The following ZMAT4 variants were observed in gnomAD, a reference collection of about 807,000 sequenced individuals.
ZMAT4 encodes the protein zinc finger matrin-type 4, also known as zinc finger matrin-type protein 4.
A neutral mutation model predicts 28.7 loss-of-function variants in ZMAT4; 17 were observed. The observed-to-expected ratio is 0.59, with a 90% CI of 0.41 to 0.89. The LOEUF (loss-of-function observed/expected upper bound fraction) is 0.89. Among genes scored for constraint, ZMAT4 ranks in the 40% least tolerant of loss-of-function variants. The pLI, the probability that ZMAT4 is intolerant of heterozygous loss-of-function variation, is 0.00. For synonymous variants in ZMAT4, 117 were observed against 109.2 expected (o/e 1.07, Z -0.44); for missense variants, 240 against 283.8 (o/e 0.85, Z 1.11).
At chr8:40,674,998 T>A in intron 4 of ZMAT4, 67 bp from the exon 5 acceptor site, 2 of 1,272,610 alleles carry the variant, frequency 1.6e-6, no homozygotes, top group South Asian at 1.3e-5. Flanking sequence ...TCTTCCTCAA[T>A]ACCCGAAGAC....
At chr8:40,700,218 T>G (rs1810074006) in intron 3 of ZMAT4, among the ~76,000 whole-genome samples, 1 of 151,642 alleles carries the variant, frequency 6.6e-6, no homozygotes, top group African/African-American at 2.4e-5. Context: ...AGTCTCATAT[T>G]GGACTCACAT....
intron 5 of ZMAT4, among the ~76,000 whole-genome samples, chr8:40,663,668 G>A (rs762555883): frequency 3.6e-4 from 55 of 152,150 alleles, no homozygotes; most frequent in Non-Finnish European, 7.1e-4. Context: ...ATCAGAGTGA[G>A]TCTACATAGA....
chr8:40,737,476 T>C (rs569208442), intron 3 of ZMAT4, among the ~76,000 whole-genome samples: 1 of 152,008 alleles, frequency 6.6e-6, no homozygotes, highest in Admixed American at 6.6e-5. Flanking sequence ...AGTCACTGAA[T>C]CCAAGAGGAA....
At chr8:40,702,530 A>T (rs1810192154) in intron 3 of ZMAT4, among the ~76,000 whole-genome samples, 1 of 152,204 alleles carries the variant, frequency 6.6e-6, no homozygotes. Context: ...TTTTCAGAAG[A>T]ATTCAATCAG....
Position 40,680,753 on chromosome 8 carries a change from A to C in ZMAT4, c.350-5822T>G, listed in dbSNP as rs528496680. ...ACACATATACTTTCTCTCTCTCTCT[A>C]CATCCCCCATCAAGCTCCCTCCCCA... is the stretch of plus-strand genomic sequence containing the variant. On this transcript the variant is annotated intron_variant, in intron 4 of 6. Coordinates refer to ENST00000297737, the MANE Select transcript of ZMAT4 (RefSeq NM_024645.3). Among the ~76,000 whole-genome samples the C allele has an allele frequency of 1.8e-3, 274 of 150,212 alleles. 1 individual carries two copies. Among genetic ancestry groups the C allele is most frequent in the African/African-American group, 6.2e-3 (252 of 40,626 alleles).
chr8:40,750,460 C>T (rs967563722), intron 3 of ZMAT4, among the ~76,000 whole-genome samples: 6 of 152,074 alleles, frequency 3.9e-5, no homozygotes, highest in East Asian at 3.9e-4. Context: ...GGCAAAGAGG[C>T]GAGATCCTCC....
intron 5 of ZMAT4, among the ~76,000 whole-genome samples, chr8:40,658,663 C>CAA (rs1585833999): frequency 7.0e-6 from 1 of 142,832 alleles, no homozygotes; most frequent in African/African-American, 2.6e-5. Context: ...CACACACACA[C>CAA]AAACACAAAA....
intron 5 of ZMAT4, among the ~76,000 whole-genome samples, chr8:40,588,893 C>CATCA (rs1341810381): frequency 2.0e-5 from 3 of 152,128 alleles, no homozygotes; most frequent in Non-Finnish European, 2.9e-5. Context: ...CCCCAATGCC[C>CATCA]ATCAACACAA....
At chr8:40,772,486 A>T (rs748872366) in intron 2 of ZMAT4, among the ~76,000 whole-genome samples, 1 of 152,234 alleles carries the variant, frequency 6.6e-6, no homozygotes, top group Non-Finnish European at 1.5e-5. Context: ...GCCTCAAAAA[A>T]ATTCACAACT....
At chr8:40,617,492 G>T (rs1252430636) in intron 5 of ZMAT4, among the ~76,000 whole-genome samples, 3 of 152,184 alleles carry the variant, frequency 2.0e-5, no homozygotes, top group Non-Finnish European at 2.9e-5. Context: ...TTCTAAGAGA[G>T]CATTCTAAAC....
At chr8:40,869,562 A>C (rs939540125) in intron 1 of ZMAT4, among the ~76,000 whole-genome samples, 5 of 152,244 alleles carry the variant, frequency 3.3e-5, no homozygotes, top group African/African-American at 1.2e-4. Context: ...GATTATTAGA[A>C]GAACAAAAGG....
At chr8:40,798,220 T>C (rs759294124) in intron 2 of ZMAT4, among the ~76,000 whole-genome samples, 2 of 152,172 alleles carry the variant, frequency 1.3e-5, no homozygotes, top group Non-Finnish European at 2.9e-5. Flanking sequence ...AGAGCAGATA[T>C]GCTCAGGGTC....
chr8:40,766,277 C>A (rs1423907760), intron 3 of ZMAT4, among the ~76,000 whole-genome samples: 1 of 152,230 alleles, frequency 6.6e-6, no homozygotes, highest in Non-Finnish European at 1.5e-5. Flanking sequence ...ATCTCCCATA[C>A]TACATTATGA....
chr8:40,683,094 C>T (rs1470567324), intron 4 of ZMAT4, among the ~76,000 whole-genome samples: 1 of 152,094 alleles, frequency 6.6e-6, no homozygotes, highest in Non-Finnish European at 1.5e-5. Flanking sequence ...TAGAACTGGG[C>T]TTGGCACATA....
intron 6 of ZMAT4, among the ~76,000 whole-genome samples, chr8:40,558,772 T>A (rs116472250): frequency 6.6e-6 from 1 of 151,936 alleles, no homozygotes; most frequent in African/African-American, 2.4e-5. Context: ...CTCCCGCTTC[T>A]TGGCCGAGGG....
At chr8:40,578,098 A>G (rs1185101764) in intron 6 of ZMAT4, among the ~76,000 whole-genome samples, 2 of 152,112 alleles carry the variant, frequency 1.3e-5, no homozygotes, top group Admixed American at 6.5e-5. Flanking sequence ...AGAAGATACA[A>G]TTAGAAGATT....
In ZMAT4 at chr8:40,552,170, T is replaced by C. The variant is rs1803387756; in HGVS notation, c.675-19932A>G. Among the ~76,000 whole-genome samples the C allele has an allele frequency of 2.0e-5, 3 of 152,172 alleles. No individual in the cohort carries two copies. The South Asian group carries it at 6.2e-4, about 31-fold the overall frequency. ...GCCCTCTCTTCTCTTGCTGGATCCA[T>C]TTACTCTTTGGGCACTATTCCCAAC... On this transcript the variant is annotated intron_variant, in intron 6 of 6. Transcript: ENST00000297737.
At chr8:40,854,881 TA>T (rs1817241749) in intron 1 of ZMAT4, among the ~76,000 whole-genome samples, 1 of 152,154 alleles carries the variant, frequency 6.6e-6, no homozygotes, top group Non-Finnish European at 1.5e-5. Context: ...ACAAAAGGAC[TA>T]ATTATTTTTT....
At chr8:40,564,661 G>A (rs574918498) in intron 6 of ZMAT4, among the ~76,000 whole-genome samples, 5 of 152,280 alleles carry the variant, frequency 3.3e-5, no homozygotes, top group Admixed American at 1.3e-4. Context: ...GTTGCAGCCT[G>A]TTCCACTGTC....
Sources: allele counts gnomAD v4.1 joint callset (sites outside exome capture counted in the v4.1 genomes callset), GRCh38; gene constraint gnomAD v4.1.1; transcripts MANE v1.5; gene names NCBI Gene and HGNC (gene_info 2026-07-23, HGNC 2026-07-21).